CC2D2B: variants seen among roughly 807,000 people sequenced by gnomAD.
CC2D2B encodes the protein protein CC2D2B.
Under a neutral mutation model 161.2 loss-of-function variants are expected in CC2D2B, and 128 were observed. The observed-to-expected ratio is 0.79, with a 90% CI of 0.69 to 0.92. The LOEUF (loss-of-function observed/expected upper bound fraction) is 0.92, where lower values mean the gene tolerates loss of function less well. CC2D2B is among the 40% of genes least tolerant of loss of function. The pLI is 0.00. For missense variants in CC2D2B, 1,173 were observed against 1,375.1 expected, an observed-to-expected ratio of 0.85 and a Z score of 2.32; for synonymous variants, 391 against 449.8, an observed-to-expected ratio of 0.87 and a Z score of 1.65.
At chr10:95,989,756 T>G (rs1410768939) in intron 20 of CC2D2B, among the ~76,000 whole-genome samples, 1 of 152,204 alleles carries the variant, frequency 6.6e-6, no homozygotes, top group Non-Finnish European at 1.5e-5. Context: ...TTGTGAAGAC[T>G]TCTTTGCTGA....
intron 2 of CC2D2B, chr10:95,919,881 G>A (rs1015284639): frequency 4.6e-5 from 7 of 151,846 alleles, no homozygotes; most frequent in Admixed American, 2.0e-4. Flanking sequence ...GTAAAACTAA[G>A]TCCTCTCTGC....
At chr10:96,006,288 T>C (rs191411418) in intron 25 of CC2D2B, among the ~76,000 whole-genome samples, 7 of 149,900 alleles carry the variant, frequency 4.7e-5, no homozygotes, top group Admixed American at 1.3e-4. Context: ...TCTTAGGCTA[T>C]GTATTTTATA....
chr10:95,932,028 T>A (rs2075621132), intron 6 of CC2D2B, among the ~76,000 whole-genome samples: 2 of 152,204 alleles, frequency 1.3e-5, no homozygotes, highest in South Asian at 4.1e-4. Flanking sequence ...TCTTTGTAGG[T>A]CTCTAAGGAC....
chr10:95,936,905 C>A (rs2075841676), intron 6 of CC2D2B, among the ~76,000 whole-genome samples: 1 of 152,156 alleles, frequency 6.6e-6, no homozygotes, highest in Admixed American at 6.5e-5. Context: ...GTTATGAGAG[C>A]TCCAGTTGGA....
At chr10:96,028,579 A>T (rs187404145) in intron 34 of CC2D2B, among the ~76,000 whole-genome samples, 119 of 152,318 alleles carry the variant, frequency 7.8e-4, no homozygotes, top group African/African-American at 2.6e-3. Context: ...TTCCTCAAAA[A>T]ACTAAAAATA....
chr10:95,956,291 A>T (rs2076564640), intron 11 of CC2D2B, among the ~76,000 whole-genome samples: 2 of 152,146 alleles, frequency 1.3e-5, no homozygotes, highest in South Asian at 4.1e-4. Context: ...TCACACACAC[A>T]CAAAGACAGC....
In CC2D2B at chr10:95,995,314, C is replaced by G; in HGVS notation, c.2688C>G (p.Leu896=). 6.5e-7 allele frequency: 1 copy of G among 1,532,658 alleles called. No homozygotes were observed. The highest frequency in any genetic ancestry group is 1.4e-5 in the African/African-American group (1 of 73,036). 94.9% of individuals were successfully genotyped at this position (1,532,658 alleles called of 1,614,324 possible). A position where few individuals can be genotyped will look rare whatever the true frequency, so the allele number is the denominator to read the frequency against. Residue 896 remains leucine, a synonymous_variant, in exon 23 of 35, where the codon CTC becomes CTG. Transcript: ENST00000646931. ...PTCLKSSISC[L]RHRETIKSVA... ...GTTTGAAATCATCTATATCTTGCCT[C>G]AGACATAGAGAAACAATCAAATCAG...
chr10:96,000,849 T>C (rs1225224727), intron 24 of CC2D2B: 1 of 152,234 alleles, frequency 6.6e-6, no homozygotes, highest in Non-Finnish European at 1.5e-5. Context: ...TAAAAAAATC[T>C]TCTTTAATAA....
intron 23 of CC2D2B, 102 bp downstream of exon 23, chr10:95,995,467 C>T (rs1183406620): frequency 4.9e-6 from 3 of 612,610 alleles, no homozygotes; most frequent in Non-Finnish European, 7.8e-6. Context: ...CTTTGGCTTC[C>T]AGTTTATTTT....
intron 6 of CC2D2B, among the ~76,000 whole-genome samples, chr10:95,936,741 G>C (rs1278032344): frequency 6.6e-6 from 1 of 152,006 alleles, no homozygotes; most frequent in African/African-American, 2.4e-5. Flanking sequence ...AGGCAGATTG[G>C]GTAGGGCTTA....
intron 32 of CC2D2B, 107 bp downstream of exon 32, chr10:96,019,931 A>C: frequency 1.0e-6 from 1 of 999,728 alleles, no homozygotes; most frequent in Non-Finnish European, 1.4e-6. Flanking sequence ...GGTTACTGAA[A>C]TATTTGGCAA....
chr10:95,911,080 C>T (rs1040605877), intron 1 of CC2D2B, among the ~76,000 whole-genome samples: 1 of 152,132 alleles, frequency 6.6e-6, no homozygotes, highest in Non-Finnish European at 1.5e-5. Context: ...CCAAGAGTTA[C>T]ACCTCTTACT....
intron 29 of CC2D2B, among the ~76,000 whole-genome samples, chr10:96,014,261 G>C (rs186676523): frequency 8.1e-4 from 124 of 152,214 alleles, no homozygotes; most frequent in Middle Eastern, 6.8e-3. Flanking sequence ...GTAGAACAGT[G>C]CTCTTCCTTA....
At chr10:96,012,789 C>A in intron 28 of CC2D2B, 60 bp downstream of exon 28, 4 of 1,073,862 alleles carry the variant, frequency 3.7e-6, no homozygotes, top group Non-Finnish European at 5.7e-6. Flanking sequence ...TGAAGAATCA[C>A]TTTTACCTTT....
intron 24 of CC2D2B, 102 bp downstream of exon 24, chr10:95,996,354 T>G (rs751892131): frequency 3.0e-4 from 173 of 578,064 alleles, no homozygotes; most frequent in Middle Eastern, 4.6e-4. Context: ...TAGGCTTTAT[T>G]TAAGCTTTTA....
At chr10:95,965,049 C>T (rs1377422652) in intron 12 of CC2D2B, among the ~76,000 whole-genome samples, 1 of 152,110 alleles carries the variant, frequency 6.6e-6, no homozygotes, top group African/African-American at 2.4e-5. Context: ...AACTGCCAGA[C>T]TGTTTGCCAA....
At chr10:95,941,328 A>G (rs1002218161) in intron 9 of CC2D2B, among the ~76,000 whole-genome samples, 4 of 152,184 alleles carry the variant, frequency 2.6e-5, no homozygotes, top group African/African-American at 7.2e-5. Context: ...CAACAAAACA[A>G]AAATAGAGAA....
chr10:95,947,107 ATATATATTT>A (rs1320105925), intron 9 of CC2D2B, among the ~76,000 whole-genome samples: 6 of 38,002 alleles, frequency 1.6e-4, no homozygotes, highest in East Asian at 1.9e-3. Flanking sequence ...ATATATATAT[ATATATATTT>A]TTTTTTTTTT....
chr10:95,943,980 A>C (rs1181200874), intron 9 of CC2D2B, among the ~76,000 whole-genome samples: 1 of 152,088 alleles, frequency 6.6e-6, no homozygotes, highest in African/African-American at 2.4e-5. Context: ...TTCTGTATCT[A>C]TATTTTCCGT....
Sources: gnomAD v4.1 joint callset for allele counts (sites outside exome capture counted in the v4.1 genomes callset) on GRCh38, gnomAD v4.1.1 for gene constraint, MANE v1.5 for transcripts, NCBI Gene and HGNC (gene_info 2026-07-23, HGNC 2026-07-21) for gene names.